The following CDKN2B-AS1 variants were observed in gnomAD, a reference collection of about 807,000 sequenced individuals.
The protein encoded by CDKN2B-AS1 is CDKN2B antisense RNA 1 (non-protein coding).
chr9:21,998,570 C>T (rs975220770), intron 1 of CDKN2B-AS1, among the ~76,000 whole-genome samples: 3 of 152,204 alleles, frequency 2.0e-5, no homozygotes, highest in African/African-American at 4.8e-5. Flanking sequence ...CAGACAGAAT[C>T]ACTGAATATT....
rs73650010 is a variant in CDKN2B-AS1 at position 22,071,176 on chromosome 9, G to C, written n.438+14789G>C. 1.8e-3 allele frequency among the ~76,000 whole-genome samples: 274 copies of C among 149,566 alleles called. 1 individual carries two copies. Among genetic ancestry groups the C allele is most frequent in the African/African-American group, 6.3e-3 (257 of 40,516 alleles). On this transcript the variant is annotated intron_variant and non_coding_transcript_variant, in intron 4 of 4. Coordinates refer to ENST00000650946, the Ensembl canonical transcript of CDKN2B-AS1. The stretch of plus-strand genomic sequence containing the variant: ...TCTGGCCTCTTCATTTTACAACTTA[G>C]GAGACTAATATCTAGTATGACAAAG...
chr9:22,096,188 G>T (rs924855185), intron 4 of CDKN2B-AS1, among the ~76,000 whole-genome samples: 4 of 152,220 alleles, frequency 2.6e-5, no homozygotes, highest in Admixed American at 6.5e-5. Context: ...TAGGACAAAT[G>T]TTGGGGAATG....
Position 21,997,684 on chromosome 9 carries a change from G to A in CDKN2B-AS1, n.29+2523G>A, listed in dbSNP as rs924804325. ...TTTCTCTTAAGCTCTTCAACTGCTT[G>A]GATGAGGACCACCCATATTATTGAG... On this transcript the variant is annotated intron_variant and non_coding_transcript_variant, in intron 1 of 4. Coordinates refer to ENST00000650946, the Ensembl canonical transcript of CDKN2B-AS1. This position sits in a 1 kb window ranked among gnomAD's most constrained non-coding sequence, Gnocchi z 4.8. Among the ~76,000 whole-genome samples the A allele has an allele frequency of 6.6e-6, 1 of 151,948 alleles. No individual in the cohort carries two copies. Among genetic ancestry groups the A allele is most frequent in the Non-Finnish European group, 1.5e-5 (1 of 68,010 alleles).
At chr9:22,026,078 T>C (rs615552) in intron 1 of CDKN2B-AS1, among the ~76,000 whole-genome samples, 44,419 of 151,266 alleles carry the variant, frequency 0.29, 8,434 homozygotes, top group Non-Finnish European at 0.43. Flanking sequence ...AGGAACGGGA[T>C]TGGGGACCTG....
chr9:22,054,474 T>C (rs929517530), intron 3 of CDKN2B-AS1, among the ~76,000 whole-genome samples: 2 of 152,170 alleles, frequency 1.3e-5, no homozygotes, highest in African/African-American at 4.8e-5. Context: ...ATTATGAGCA[T>C]ACCTTGTGTC....
At chr9:22,037,391 T>C (rs1822731042) in intron 1 of CDKN2B-AS1, among the ~76,000 whole-genome samples, 1 of 151,950 alleles carries the variant, frequency 6.6e-6, no homozygotes, top group Non-Finnish European at 1.5e-5. Context: ...GCTGGGTGAC[T>C]CTCTCCTGGC....
chr9:22,068,788 T>A (rs1284495194), intron 4 of CDKN2B-AS1, among the ~76,000 whole-genome samples: 2 of 152,228 alleles, frequency 1.3e-5, no homozygotes, highest in African/African-American at 4.8e-5. Context: ...TTGGATAGTA[T>A]CTTCCACTAA....
chr9:22,107,629 C>T (rs1490196985), intron 4 of CDKN2B-AS1, among the ~76,000 whole-genome samples: 2 of 152,140 alleles, frequency 1.3e-5, no homozygotes, highest in African/African-American at 2.4e-5. Context: ...GAGCGGATGA[C>T]CTAAAGCTGC....
At chr9:22,110,760 TG>T (rs1158291653) in intron 4 of CDKN2B-AS1, among the ~76,000 whole-genome samples, 1 of 152,190 alleles carries the variant, frequency 6.6e-6, no homozygotes, top group Non-Finnish European at 1.5e-5. Context: ...TTAGATGCCC[TG>T]TATTTCCTCC....
intron 4 of CDKN2B-AS1, among the ~76,000 whole-genome samples, chr9:22,077,247 A>C (rs1043731726): frequency 6.7e-5 from 10 of 150,172 alleles, no homozygotes; most frequent in South Asian, 2.1e-4. Context: ...AATATACTTC[A>C]TTTAACTCAA....
chr9:22,007,432 G>GA (rs571781431), intron 1 of CDKN2B-AS1, among the ~76,000 whole-genome samples: 18 of 152,242 alleles, frequency 1.2e-4, no homozygotes, highest in Middle Eastern at 3.4e-3. Context: ...GCATAACTTA[G>GA]AAAAAATGAT....
chr9:22,106,009 C>T (rs973611147), intron 4 of CDKN2B-AS1, among the ~76,000 whole-genome samples: 1 of 152,230 alleles, frequency 6.6e-6, no homozygotes, highest in East Asian at 1.9e-4. Context: ...CTCCCGGATA[C>T]AAGCGATTCT....
chr9:22,111,041 A>G (rs954913732), intron 4 of CDKN2B-AS1, among the ~76,000 whole-genome samples: 1 of 152,108 alleles, frequency 6.6e-6, no homozygotes, highest in African/African-American at 2.4e-5. Flanking sequence ...AAAATATTCT[A>G]TTGGATGACT....
intron 1 of CDKN2B-AS1, among the ~76,000 whole-genome samples, chr9:22,045,229 C>T (rs1376226265): frequency 6.6e-6 from 1 of 151,786 alleles, no homozygotes; most frequent in Non-Finnish European, 1.5e-5. Flanking sequence ...CATAGAATAG[C>T]TACTACCTGT....
intron 4 of CDKN2B-AS1, among the ~76,000 whole-genome samples, chr9:22,108,067 T>G (rs989148811): frequency 2.0e-5 from 3 of 152,218 alleles, no homozygotes; most frequent in Non-Finnish European, 4.4e-5. Context: ...TAAAAAGAAG[T>G]TGCTGTGACT....
At chr9:22,075,749 A>C (rs894991404) in intron 4 of CDKN2B-AS1, among the ~76,000 whole-genome samples, 1 of 152,210 alleles carries the variant, frequency 6.6e-6, no homozygotes, top group Non-Finnish European at 1.5e-5. Context: ...ACAGCAAAGG[A>C]GGTGGGACAC....
rs1444361450 is a variant in CDKN2B-AS1, at chr9:22,000,231, G to T, written n.29+5070G>T. 6.6e-6 allele frequency among the ~76,000 whole-genome samples: 1 copy of T among 152,076 alleles called. No individual in the cohort carries two copies. Among genetic ancestry groups the T allele is most frequent in the African/African-American group, 2.4e-5 (1 of 41,414 alleles). Reference sequence around the variant, plus strand: ...GAGAAACAATTTTCTGAAATGGAAGGGGTTTTAAACTTGTTGTCCTCAAAT... The same window carrying T: ...GAGAAACAATTTTCTGAAATGGAAGTGGTTTTAAACTTGTTGTCCTCAAAT... On this transcript the variant is annotated intron_variant and non_coding_transcript_variant, in intron 1 of 4. Coordinates refer to ENST00000650946, the Ensembl canonical transcript of CDKN2B-AS1. This position sits in a 1 kb window ranked among gnomAD's most constrained non-coding sequence, Gnocchi z 4.1.
intron 4 of CDKN2B-AS1, among the ~76,000 whole-genome samples, chr9:22,122,939 A>G (rs1826130973): frequency 2.0e-5 from 3 of 152,058 alleles, no homozygotes; most frequent in Non-Finnish European, 4.4e-5. Context: ...GAAGAACGTC[A>G]TTAGTATTTT....
intron 4 of CDKN2B-AS1, among the ~76,000 whole-genome samples, chr9:22,110,811 T>C (rs1825787329): frequency 6.6e-6 from 1 of 152,166 alleles, no homozygotes. Context: ...GTGATCACTA[T>C]CCAAATTTTG....
Sources: allele counts gnomAD v4.1 joint callset (sites outside exome capture counted in the v4.1 genomes callset), GRCh38; gene constraint gnomAD v4.1.1; non-coding constraint Gnocchi (gnomAD v3.1); transcripts MANE v1.5; gene names NCBI Gene and HGNC (gene_info 2026-07-23, HGNC 2026-07-21).